Variants in WDR11 observed in about 807,000 individuals in gnomAD.
WDR11 encodes WD repeat domain 11.
Under a neutral mutation model 151.2 loss-of-function variants are expected in WDR11, and 83 were observed. That is an observed-to-expected ratio of 0.55 (90% CI 0.46 to 0.66). The LOEUF is 0.66. Among genes scored for constraint, WDR11 ranks in the 30% least tolerant of loss-of-function variants. WDR11 has a pLI of 0.00. For missense variants in WDR11, 1,301 were observed against 1,480.9 expected, an observed-to-expected ratio of 0.88 and a Z score of 1.99; for synonymous variants, 484 against 533.1, an observed-to-expected ratio of 0.91 and a Z score of 1.27.
chr10:120,870,794 GA>G (rs1846509568), intron 9 of WDR11, among the ~76,000 whole-genome samples: 1 of 152,156 alleles, frequency 6.6e-6, no homozygotes, highest in South Asian at 2.1e-4. Flanking sequence ...AGTAAAATGA[GA>G]AAAATGTGGT....
rs1590073423 is a variant in WDR11 at position 120,871,467 on chromosome 10, G to A, written c.1471+121G>A. On this transcript the variant is annotated intron_variant, in intron 10 of 28. Coordinates refer to ENST00000263461, the MANE Select transcript of WDR11 (RefSeq NM_018117.12). Reference sequence around the variant, plus strand: ...CTTTAAAAGGAGATAGAGACTAAGTGAAACTGTAAATACTCATCCTGGAAC... The same window carrying A: ...CTTTAAAAGGAGATAGAGACTAAGTAAAACTGTAAATACTCATCCTGGAAC... 24 of 1,044,848 alleles carry A rather than the reference G, an allele frequency of 2.3e-5. No individual in the cohort carries two copies. The East Asian group carries it at 6.0e-4, about 26-fold the overall frequency. 64.7% of individuals were successfully genotyped at this position (1,044,848 alleles called of 1,614,324 possible).
chr10:120,888,548 A>C (rs1398541955), intron 16 of WDR11, among the ~76,000 whole-genome samples: 1 of 152,256 alleles, frequency 6.6e-6, no homozygotes, highest in Non-Finnish European at 1.5e-5. Context: ...CTTTCTGTGA[A>C]TTTAAACTGC....
In WDR11 at chr10:120,908,901, CG is replaced by C. The variant is rs1848180907; in HGVS notation, c.*189del. ...ATGTTGAGAGTAAGTTTGTATCCTG[CG>C]TTGGTCTCAGAAAGAACGTGAATGC... On this transcript the variant is annotated 3_prime_UTR_variant, in exon 29 of 29. Coordinates refer to ENST00000263461, the MANE Select transcript of WDR11 (RefSeq NM_018117.12). 3 of 637,858 alleles carry C rather than the reference CG, an allele frequency of 4.7e-6. No homozygotes were observed. The highest frequency in any genetic ancestry group is 2.7e-5 in the Admixed American group (1 of 37,200). 39.5% of individuals were successfully genotyped at this position (637,858 alleles called of 1,614,324 possible).
chr10:120,855,629 T>G (rs1487083161), intron 2 of WDR11, among the ~76,000 whole-genome samples: 4 of 152,182 alleles, frequency 2.6e-5, no homozygotes, highest in Non-Finnish European at 5.9e-5. Flanking sequence ...ATTTTAGAGC[T>G]TTAGCTTTTA....
chr10:120,906,191 C>G, intron 27 of WDR11, 170 bp downstream of exon 27: 4 of 1,506,832 alleles, frequency 2.7e-6, no homozygotes, highest in Non-Finnish European at 3.5e-6. Flanking sequence ...GTATTCATTA[C>G]ATCTTCATTC....
At chr10:120,902,997 G>A (rs969167987) in intron 22 of WDR11, 58 bp from the exon 23 acceptor site, 1 of 1,575,810 alleles carries the variant, frequency 6.3e-7, no homozygotes, top group African/African-American at 1.3e-5. Context: ...TCTACTCTAG[G>A]AAGCCATCCA....
chr10:120,883,992 T>A (rs1847122136), intron 14 of WDR11, 104 bp downstream of exon 14: 1 of 993,698 alleles, frequency 1.0e-6, no homozygotes, highest in Non-Finnish European at 1.5e-6. Flanking sequence ...ATGTCATTTT[T>A]TTGGTTAAAA....
Position 120,905,397 on chromosome 10 carries a change from G to A in WDR11, c.3272G>A (p.Arg1091Gln), listed in dbSNP as rs759599780. The part of the protein sequence containing the change: ...RYLQTYGEWN[R>Q]AAWLAKVRLN... Reference sequence around the variant, plus strand: ...CTGCAGACATACGGCGAGTGGAATCGGGCTGCATGGCTGGCAAAAGTAGGT... The same window carrying A: ...CTGCAGACATACGGCGAGTGGAATCAGGCTGCATGGCTGGCAAAAGTAGGT... The change falls in exon 26 of 29, where the codon CGG (arginine) becomes CAG (glutamine). Residue 1091 changes from arginine (R) to glutamine (Q), a missense_variant. By Grantham distance (43) the Arg-to-Gln change is conservative (BLOSUM62 1). Coordinates refer to ENST00000263461, the MANE Select transcript of WDR11 (RefSeq NM_018117.12). 187 of 1,613,992 alleles carry A rather than the reference G, an allele frequency of 1.2e-4. No individual in the cohort carries two copies. Among genetic ancestry groups the A allele is most frequent in the African/African-American group, 1.5e-4 (11 of 74,898 alleles).
At position 120,885,864 on chromosome 10, in the gene WDR11, A is replaced by G. The variant is rs7899928; in HGVS notation, c.1899A>G (p.Ala633=). ...AGAGCCTGAGAAAGAAGCAACTTGC[A>G]ACTCGAGAGGCCATGGCCCGCCAGA... ...NLKSLRKKQL[A]TREAMARQTV... The change falls in exon 15 of 29, where the codon GCA becomes GCG. Residue 633 remains alanine (A), a synonymous_variant. Coordinates refer to ENST00000263461, the MANE Select transcript of WDR11 (RefSeq NM_018117.12). 6.2e-6 allele frequency: 10 copies of G among 1,613,498 alleles called. No homozygotes were observed. In the East Asian group the frequency reaches 2.2e-4, roughly 36 times the overall value.
intron 19 of WDR11, among the ~76,000 whole-genome samples, chr10:120,891,994 T>A (rs1847444299): frequency 6.6e-6 from 1 of 152,162 alleles, no homozygotes; most frequent in Non-Finnish European, 1.5e-5. Context: ...CAAGCATTGG[T>A]ATTCATTTTA....
At chr10:120,878,545 C>A in intron 12 of WDR11, 86 bp downstream of exon 12, 1 of 1,122,650 alleles carries the variant, frequency 8.9e-7, no homozygotes, top group Non-Finnish European at 1.3e-6. Context: ...ACTTCTTTCA[C>A]CTTGGAATTT....
intron 19 of WDR11, among the ~76,000 whole-genome samples, chr10:120,892,247 A>G (rs1166526411): frequency 1.3e-5 from 2 of 152,246 alleles, no homozygotes; most frequent in Non-Finnish European, 2.9e-5. Flanking sequence ...ATACTTGAAC[A>G]TCTGGCCTGT....
intron 13 of WDR11, among the ~76,000 whole-genome samples, chr10:120,883,458 A>G (rs1428762881): frequency 6.6e-6 from 1 of 152,172 alleles, no homozygotes; most frequent in Non-Finnish European, 1.5e-5. Context: ...ATTGAGGTAC[A>G]TGATGAGATT....
At chr10:120,880,656 C>CAAA (rs11453234) in intron 12 of WDR11, 170 bp from the exon 13 acceptor site, 116 of 534,436 alleles carry the variant, frequency 2.2e-4, no homozygotes, top group Admixed American at 3.6e-4. Flanking sequence ...GAGACCATCT[C>CAAA]AAAAAAAAAA....
chr10:120,889,132 G>A lies in WDR11; in HGVS notation c.2176G>A (p.Gly726Arg). 1.2e-6 allele frequency: 2 copies of A among 1,613,974 alleles called. No homozygotes were observed. The highest frequency in any genetic ancestry group is 1.7e-6 in the Non-Finnish European group (2 of 1,179,952). Residue 726 changes from glycine to arginine, a missense_variant, in exon 17 of 29, where the codon GGA becomes AGA. Gly to Arg is a moderately radical substitution (Grantham distance 125). Coordinates refer to ENST00000263461, the MANE Select transcript of WDR11 (RefSeq NM_018117.12). ...TTGGAAAGGTGATACATTAGTGCTT[G>A]GAGATATGGATGGAAATTTAAATTT... is the stretch of plus-strand genomic sequence containing the variant. The part of the protein sequence containing the change: ...IAWKGDTLVL[G>R]DMDGNLNFWD...
chr10:120,863,252 G>A (rs1034461811), intron 5 of WDR11, among the ~76,000 whole-genome samples: 3 of 152,216 alleles, frequency 2.0e-5, no homozygotes, highest in Admixed American at 1.3e-4. Context: ...ACAAAAGCTG[G>A]ATACTCATTT....
At chr10:120,880,694 G>A in intron 12 of WDR11, 132 bp from the exon 13 acceptor site, 2 of 806,652 alleles carry the variant, frequency 2.5e-6, no homozygotes, top group Non-Finnish European at 4.0e-6. Context: ...CAGATTAGAA[G>A]CAAATGGAAG....
intron 19 of WDR11, among the ~76,000 whole-genome samples, chr10:120,892,217 A>G (rs1467336765): frequency 1.3e-5 from 2 of 152,224 alleles, no homozygotes; most frequent in African/African-American, 2.4e-5. Flanking sequence ...AGTCCATTGT[A>G]TTAACCCATG....
intron 27 of WDR11, 129 bp from the exon 28 acceptor site, chr10:120,906,647 G>C: frequency 6.4e-7 from 1 of 1,562,766 alleles, no homozygotes; most frequent in Non-Finnish European, 8.7e-7. Flanking sequence ...GCTTAGAAAA[G>C]TGCTTGTATC....
Sources: gnomAD v4.1 joint callset for allele counts (sites outside exome capture counted in the v4.1 genomes callset) on GRCh38, gnomAD v4.1.1 for gene constraint, MANE v1.5 for transcripts, NCBI Gene and HGNC (gene_info 2026-07-23, HGNC 2026-07-21) for gene names.